Variants in NABP1 observed in about 807,000 individuals in gnomAD.
The protein encoded by NABP1 is SOSS complex subunit B2.
NABP1 carries 18 observed loss-of-function variants against 25.0 expected under a neutral mutation model. The observed-to-expected ratio is 0.72, with a 90% CI of 0.50 to 1.07. The LOEUF (loss-of-function observed/expected upper bound fraction) is 1.07, where lower values mean the gene tolerates loss of function less well. Ranked by LOEUF, NABP1 falls within the 50% of genes least tolerant of loss-of-function variation. The probability of loss-of-function intolerance (pLI) is 0.00; values close to 1 mark genes in which losing one functional copy is unlikely to be tolerated. For synonymous variants in NABP1, 71 were observed against 85.0 expected (o/e 0.84, Z 0.91); for missense variants, 270 against 255.6 (o/e 1.06, Z -0.39).
At chr2:191,678,753 G>A in intron 1 of NABP1, 48 bp downstream of exon 1, 2 of 1,542,402 alleles carry the variant, frequency 1.3e-6, no homozygotes, top group Non-Finnish European at 1.8e-6. Flanking sequence ...GCCTCCCGGG[G>A]CGGGAGACAG....
intron 5 of NABP1, 41 bp from the exon 6 acceptor site, chr2:191,685,558 T>C: frequency 6.4e-7 from 1 of 1,551,760 alleles, no homozygotes; most frequent in Non-Finnish European, 8.8e-7. Context: ...TTCTATAGAC[T>C]ACCTCTGAAA....
intron 5 of NABP1, among the ~76,000 whole-genome samples, chr2:191,684,637 C>T (rs1436278115): frequency 6.6e-6 from 1 of 151,852 alleles, no homozygotes; most frequent in Non-Finnish European, 1.5e-5. Context: ...AGTCATAGTT[C>T]ACCTTAATTT....
At chr2:191,678,727 C>A in intron 1 of NABP1, 22 bp downstream of exon 1, 1 of 1,592,120 alleles carries the variant, frequency 6.3e-7, no homozygotes. Context: ...TTGCAGCCTA[C>A]TCCACCGCCC....
At chr2:191,681,906 A>G in intron 2 of NABP1, 40 bp from the exon 3 acceptor site, 1 of 1,321,948 alleles carries the variant, frequency 7.6e-7, no homozygotes, top group Non-Finnish European at 1.0e-6. Context: ...AGAAGAAAAT[A>G]AATATATTTC....
chr2:191,684,256 C>T lies in NABP1; in HGVS notation c.405C>T (p.Ser135=). 1 of 1,539,080 alleles carries T rather than the reference C, an allele frequency of 6.5e-7. No homozygotes were observed. Among genetic ancestry groups the T allele is most frequent in the East Asian group, 2.5e-5 (1 of 40,700 alleles). ...KGAQSEQKNN[S]MNSNMGTGTF... Reference sequence around the variant, plus strand: ...CACAGAGTGAACAGAAGAATAATTCCATGAATAGTAATATGGGTACAGGTA... The same window carrying T: ...CACAGAGTGAACAGAAGAATAATTCTATGAATAGTAATATGGGTACAGGTA... Residue 135 remains serine, a synonymous_variant, in exon 5 of 6, where the codon TCC becomes TCT. Coordinates refer to ENST00000425611, the MANE Select transcript of NABP1 (RefSeq NM_001031716.5).
At position 191,685,700 on chromosome 2, in the gene NABP1, G is replaced by A; in HGVS notation, c.547G>A (p.Ala183Thr). The A allele has an allele frequency of 6.2e-7, 1 of 1,614,072 alleles. No individual in the cohort carries two copies. Among genetic ancestry groups the A allele is most frequent in the South Asian group, 1.1e-5 (1 of 91,080 alleles). ...GLINPQLQGTASNQTVMTTIS... is the reference protein window; with the variant it reads ...GLINPQLQGTTSNQTVMTTIS... ...TATAAATCCACAACTACAAGGAACA[G>A]CTAGTAATCAAACAGTGATGACCAC... The change falls in exon 6 of 6, where the codon GCT (alanine) becomes ACT (threonine). Residue 183 changes from alanine to threonine, a missense_variant. Physicochemically the swap from Ala to Thr is moderately conservative, Grantham distance 58. Coordinates refer to ENST00000425611, the MANE Select transcript of NABP1 (RefSeq NM_001031716.5).
intron 4 of NABP1, 143 bp from the exon 5 acceptor site, chr2:191,684,087 A>G: frequency 5.3e-6 from 3 of 564,114 alleles, no homozygotes; most frequent in Non-Finnish European, 8.8e-6. Flanking sequence ...TTAATGACCT[A>G]GGAAAAATCT....
chr2:191,685,637 C>G lies in NABP1; in HGVS notation c.484C>G (p.Gln162Glu), dbSNP rs758847669. The G allele has an allele frequency of 1.2e-6, 2 of 1,613,558 alleles. No individual in the cohort carries two copies. Among genetic ancestry groups the G allele is most frequent in the Non-Finnish European group, 1.7e-6 (2 of 1,179,808 alleles). The part of the protein sequence containing the change: ...VHTGPESREH[Q>E]FSHAGRSNGR... ...CACTGGCCCTGAATCAAGGGAACACCAGTTTTCACATGCTGGCAGAAGCAA... is the reference window on the plus strand; with the variant it reads ...CACTGGCCCTGAATCAAGGGAACACGAGTTTTCACATGCTGGCAGAAGCAA... Residue 162 changes from glutamine to glutamate, a missense_variant, in exon 6 of 6, where the codon CAG (glutamine) becomes GAG (glutamate). Coordinates refer to ENST00000425611, the MANE Select transcript of NABP1 (RefSeq NM_001031716.5).
At position 191,685,976 on chromosome 2, in the gene NABP1, A is replaced by C; in HGVS notation, c.*208A>C. 2.1e-6 allele frequency: 1 copy of C among 477,304 alleles called. No individual in the cohort carries two copies. Among genetic ancestry groups the C allele is most frequent in the Non-Finnish European group, 3.7e-6 (1 of 272,838 alleles). The allele number at this position is 477,304 out of a possible 1,614,324, so 29.6% of individuals were successfully genotyped here. A position where few individuals can be genotyped will look rare whatever the true frequency, so the allele number is the denominator to read the frequency against. The stretch of plus-strand genomic sequence containing the variant: ...TTGAAGAATGGGAACACTGAAAAGT[A>C]GGGGCATTTATTTTTAGAGTAAAAA... On this transcript the variant is annotated 3_prime_UTR_variant, in exon 6 of 6. Transcript: ENST00000425611.
At chr2:191,682,645 A>G in intron 3 of NABP1, 4 of 462,740 alleles carry the variant, frequency 8.6e-6, no homozygotes, top group Non-Finnish European at 1.8e-5. Context: ...TTCATAAAGT[A>G]TGGTACAGGC....
intron 2 of NABP1, 62 bp downstream of exon 2, chr2:191,679,190 G>T: frequency 6.2e-7 from 1 of 1,604,212 alleles, no homozygotes. Flanking sequence ...GCCGGCTCCT[G>T]GGATCTTGGC....
rs1363847508 is a variant in NABP1 at position 191,683,493 on chromosome 2, A to T, written c.303-236A>T. ...TTTTTGATGTGATTTTTTTTTCAGC[A>T]CTAAAGAAGAATTTAAATACAAAAT... On this transcript the variant is annotated intron_variant, in intron 3 of 5. Transcript: ENST00000425611. This position sits in a 1 kb window ranked among gnomAD's most constrained non-coding sequence, Gnocchi z 4.1. The T allele has an allele frequency of 2.6e-6, 1 of 383,296 alleles. No individual in the cohort carries two copies. The highest frequency in any genetic ancestry group is 5.7e-5 in the East Asian group (1 of 17,528). The allele number at this position is 383,296 out of a possible 1,614,324, so 23.7% of individuals were successfully genotyped here.
intron 2 of NABP1, among the ~76,000 whole-genome samples, chr2:191,680,334 A>G (rs1009873714): frequency 5.9e-5 from 9 of 152,324 alleles, no homozygotes; most frequent in African/African-American, 2.2e-4. Context: ...AGGAGCTTAG[A>G]GCTCCTTGGT....
intron 5 of NABP1, chr2:191,685,007 AC>A (rs2105648648): frequency 6.6e-6 from 1 of 152,288 alleles, no homozygotes; most frequent in South Asian, 2.1e-4. Context: ...GTGCACCACT[AC>A]CACCCAGCTA....
At chr2:191,679,296 A>C (rs996331603) in intron 2 of NABP1, among the ~76,000 whole-genome samples, 168 bp downstream of exon 2, 4 of 152,198 alleles carry the variant, frequency 2.6e-5, no homozygotes, top group African/African-American at 7.2e-5. Context: ...GCTGGGATGT[A>C]ACAGACCTTT....
At position 191,678,990 on chromosome 2, in the gene NABP1, G is replaced by A; in HGVS notation, c.92G>A (p.Gly31Glu). 6.2e-7 allele frequency: 1 copy of A among 1,614,190 alleles called. No homozygotes were observed. The highest frequency in any genetic ancestry group is 8.5e-7 in the Non-Finnish European group (1 of 1,180,022). The change falls in exon 2 of 6, where the codon GGA becomes GAA. Residue 31 changes from glycine to glutamate, a missense_variant and splice_region_variant. Coordinates refer to ENST00000425611, the MANE Select transcript of NABP1 (RefSeq NM_001031716.5). Reference sequence around the variant, plus strand: ...CCCTTTGATTTTTAAATCCTCACAGGACGCGTGACCAAAACCAAAGACGGC... The same window carrying A: ...CCCTTTGATTTTTAAATCCTCACAGAACGCGTGACCAAAACCAAAGACGGC... ...LNVVFIVLEIGRVTKTKDGHE... is the reference protein window; with the variant it reads ...LNVVFIVLEIERVTKTKDGHE...
intron 2 of NABP1, among the ~76,000 whole-genome samples, chr2:191,680,717 A>G (rs1687664520): frequency 6.6e-6 from 1 of 152,234 alleles, no homozygotes; most frequent in Admixed American, 6.5e-5. Context: ...GGGAACAATT[A>G]CCTGGGAGTA....
At chr2:191,684,362 AC>A (rs920023496) in intron 5 of NABP1, 66 bp downstream of exon 5, 2 of 1,180,304 alleles carry the variant, frequency 1.7e-6, no homozygotes, top group South Asian at 1.9e-5. Context: ...GTAAAGATTC[AC>A]GTGAAAAGCA....
chr2:191,678,467 G>T lies in NABP1; in HGVS notation c.-148G>T. The T allele has an allele frequency of 2.0e-6, 1 of 497,878 alleles. No individual in the cohort carries two copies. Among genetic ancestry groups the T allele is most frequent in the Non-Finnish European group, 3.5e-6 (1 of 283,194 alleles). 30.8% of individuals were successfully genotyped at this position (497,878 alleles called of 1,614,324 possible). A position where few individuals can be genotyped will look rare whatever the true frequency, so the allele number is the denominator to read the frequency against. ...AGTGCTGTCCGGGCTGGTTTGCCCGGTCCCTGACTAACGGCTTTCTGCCCC... is the reference window on the plus strand; with the variant it reads ...AGTGCTGTCCGGGCTGGTTTGCCCGTTCCCTGACTAACGGCTTTCTGCCCC... On this transcript the variant is annotated 5_prime_UTR_variant, in exon 1 of 6. Coordinates refer to ENST00000425611, the MANE Select transcript of NABP1 (RefSeq NM_001031716.5).
Sources: allele counts gnomAD v4.1 joint callset (sites outside exome capture counted in the v4.1 genomes callset), GRCh38; gene constraint gnomAD v4.1.1; non-coding constraint Gnocchi (gnomAD v3.1); transcripts MANE v1.5; gene names NCBI Gene and HGNC (gene_info 2026-07-23, HGNC 2026-07-21).